Variants in LHFPL3 observed in about 807,000 individuals in gnomAD.
The protein encoded by LHFPL3 is LHFPL tetraspan subfamily member 3, also known as LHFPL tetraspan subfamily member 3 protein.
A neutral mutation model predicts 19.3 loss-of-function variants in LHFPL3; 5 were observed. That is an observed-to-expected ratio of 0.26 (90% CI 0.14 to 0.54). The LOEUF (loss-of-function observed/expected upper bound fraction) is 0.54, where lower values mean the gene tolerates loss of function less well. Ranked by LOEUF, LHFPL3 falls within the 20% of genes least tolerant of loss-of-function variation. LHFPL3 has a pLI of 0.94. For missense variants in LHFPL3, 249 were observed against 307.4 expected, an observed-to-expected ratio of 0.81 and a Z score of 1.42; for synonymous variants, 133 against 126.2, an observed-to-expected ratio of 1.05 and a Z score of -0.36.
At chr7:104,761,730 T>C (rs918107231) in intron 2 of LHFPL3, among the ~76,000 whole-genome samples, 1 of 152,220 alleles carries the variant, frequency 6.6e-6, no homozygotes, top group African/African-American at 2.4e-5. Context: ...TTCAAATACA[T>C]AGCCTGCCGG....
chr7:104,443,621 G>T (rs1480507629), intron 1 of LHFPL3, among the ~76,000 whole-genome samples: 3 of 152,252 alleles, frequency 2.0e-5, no homozygotes, highest in Non-Finnish European at 4.4e-5. Flanking sequence ...ACATGTAGCT[G>T]TAAAAAATTC....
At chr7:104,829,274 A>T (rs996407521) in intron 2 of LHFPL3, among the ~76,000 whole-genome samples, 10 of 151,826 alleles carry the variant, frequency 6.6e-5, no homozygotes, top group African/African-American at 2.4e-4. Flanking sequence ...AGAGTAGAAA[A>T]AAAGTAAAAG....
At chr7:104,798,553 G>C (rs1790177257) in intron 2 of LHFPL3, 1 of 152,112 alleles carries the variant, frequency 6.6e-6, no homozygotes, top group Non-Finnish European at 1.5e-5. Context: ...CTGTTGTATA[G>C]TCTACAAAAA....
chr7:104,400,659 A>G (rs921774921), intron 1 of LHFPL3, among the ~76,000 whole-genome samples: 3 of 152,162 alleles, frequency 2.0e-5, no homozygotes, highest in African/African-American at 7.2e-5. Flanking sequence ...CAAAGACAAA[A>G]TCCTCTCCAC....
chr7:104,329,277 G>C, intron 1 of LHFPL3, 53 bp downstream of exon 1: 1 of 1,541,786 alleles, frequency 6.5e-7, no homozygotes, highest in South Asian at 1.3e-5. Context: ...CGCCCGAGCC[G>C]GGGAGGGGCC....
At chr7:104,681,682 A>G (rs1385893193) in intron 1 of LHFPL3, among the ~76,000 whole-genome samples, 4 of 152,062 alleles carry the variant, frequency 2.6e-5, no homozygotes, top group Non-Finnish European at 4.4e-5. Context: ...TTAATCCCCC[A>G]GGGCCTTATT....
intron 1 of LHFPL3, among the ~76,000 whole-genome samples, chr7:104,414,327 G>A (rs1356764912): frequency 6.6e-6 from 1 of 151,978 alleles, no homozygotes; most frequent in Non-Finnish European, 1.5e-5. Flanking sequence ...GGAAATTGCA[G>A]CTGATGAGAT....
intron 1 of LHFPL3, among the ~76,000 whole-genome samples, chr7:104,420,057 A>G (rs1245153439): frequency 6.6e-6 from 1 of 152,232 alleles, no homozygotes; most frequent in Non-Finnish European, 1.5e-5. Context: ...TTCTAACCCC[A>G]TGAAGAGTTC....
intron 1 of LHFPL3, among the ~76,000 whole-genome samples, chr7:104,391,086 C>T (rs1791057170): frequency 6.6e-6 from 1 of 151,924 alleles, no homozygotes; most frequent in African/African-American, 2.4e-5. Context: ...GGATATTAGC[C>T]CTTTGTCAGA....
chr7:104,510,992 A>G (rs907160218), intron 1 of LHFPL3, among the ~76,000 whole-genome samples: 2 of 152,158 alleles, frequency 1.3e-5, no homozygotes, highest in Non-Finnish European at 1.5e-5. Flanking sequence ...TGTACAACAA[A>G]CCCCCATGAC....
intron 1 of LHFPL3, among the ~76,000 whole-genome samples, chr7:104,684,413 A>C (rs1792768708): frequency 6.6e-6 from 1 of 152,266 alleles, no homozygotes; most frequent in Non-Finnish European, 1.5e-5. Flanking sequence ...CAACTGCTCA[A>C]TTCTGACATT....
chr7:104,332,420 A>G (rs1389314972), intron 1 of LHFPL3, among the ~76,000 whole-genome samples: 1 of 151,322 alleles, frequency 6.6e-6, no homozygotes, highest in Admixed American at 6.6e-5. Flanking sequence ...TAATAGAGAC[A>G]AGGTTTCACC....
intron 1 of LHFPL3, among the ~76,000 whole-genome samples, chr7:104,602,438 T>G (rs1054651899): frequency 2.0e-5 from 3 of 152,222 alleles, no homozygotes; most frequent in Non-Finnish European, 4.4e-5. Flanking sequence ...GTGGACAGGA[T>G]GGAAGCTAGA....
intron 1 of LHFPL3, among the ~76,000 whole-genome samples, chr7:104,687,740 C>A (rs1015634752): frequency 1.3e-5 from 2 of 152,220 alleles, no homozygotes; most frequent in East Asian, 3.8e-4. Flanking sequence ...AGCATCTCAA[C>A]AGGCACCAGT....
At chr7:104,455,575 G>C (rs903554485) in intron 1 of LHFPL3, among the ~76,000 whole-genome samples, 2 of 152,082 alleles carry the variant, frequency 1.3e-5, no homozygotes, top group African/African-American at 4.8e-5. Flanking sequence ...ACAAAAATTA[G>C]CTGGGTGTGG....
intron 2 of LHFPL3, among the ~76,000 whole-genome samples, chr7:104,819,258 C>T (rs1259412166): frequency 2.0e-5 from 3 of 151,992 alleles, no homozygotes; most frequent in Admixed American, 1.3e-4. Flanking sequence ...TTACAATCAT[C>T]GCAATTAACA....
intron 1 of LHFPL3, among the ~76,000 whole-genome samples, chr7:104,682,694 A>C (rs2116097004): frequency 6.6e-6 from 1 of 152,156 alleles, no homozygotes; most frequent in East Asian, 1.9e-4. Flanking sequence ...CCCCTGCTCT[A>C]ATGTGTATTT....
chr7:104,396,645 A>G (rs1338468749), intron 1 of LHFPL3, among the ~76,000 whole-genome samples: 3 of 124,704 alleles, frequency 2.4e-5, no homozygotes, highest in Non-Finnish European at 3.6e-5. Flanking sequence ...AAAATTAGAA[A>G]AAAAAAAAAA....
At chr7:104,732,042 A>G (rs4529397) in intron 1 of LHFPL3, among the ~76,000 whole-genome samples, 150,590 of 152,236 alleles carry the variant, frequency 0.99, 74,495 homozygotes, top group East Asian at 1. Flanking sequence ...ATTTGCATAT[A>G]TTGAACCAGC....
Sources: allele counts gnomAD v4.1 joint callset (sites outside exome capture counted in the v4.1 genomes callset), GRCh38; gene constraint gnomAD v4.1.1; transcripts MANE v1.5; gene names NCBI Gene and HGNC (gene_info 2026-07-23, HGNC 2026-07-21).